Variants in PRIM2 observed in about 807,000 individuals in gnomAD.
PRIM2 encodes the protein DNA primase subunit 2, also known as DNA primase large subunit.
In PRIM2, 39 loss-of-function variants were observed where a neutral mutation model predicts 67.3. The ratio of observed to expected loss-of-function variants is 0.58; its 90% CI spans 0.45 to 0.76. PRIM2 has a LOEUF of 0.76. Among genes scored for constraint, PRIM2 ranks in the 30% least tolerant of loss-of-function variants. The pLI, the probability that PRIM2 is intolerant of heterozygous loss-of-function variation, is 0.00. For missense variants in PRIM2, 398 were observed against 598.7 expected (o/e 0.66, Z 3.50); for synonymous variants, 143 against 198.7 (o/e 0.72, Z 2.36).
chr6:57,620,012 C>T (rs1313599644), intron 12 of PRIM2, among the ~76,000 whole-genome samples: 7 of 152,034 alleles, frequency 4.6e-5, no homozygotes, highest in Non-Finnish European at 8.8e-5. Flanking sequence ...CTGGCTAACA[C>T]AGTGAAACCC....
At chr6:57,514,390 A>G (rs1774436739) in intron 8 of PRIM2, among the ~76,000 whole-genome samples, 1 of 152,050 alleles carries the variant, frequency 6.6e-6, no homozygotes, top group Non-Finnish European at 1.5e-5. Context: ...AACGCCAGAA[A>G]ATGGTTTAGT....
chr6:57,581,087 T>C (rs1328167140), intron 10 of PRIM2, among the ~76,000 whole-genome samples: 3 of 152,168 alleles, frequency 2.0e-5, no homozygotes, highest in Admixed American at 6.5e-5. Context: ...ATCATAATTC[T>C]TGTTTCTGTG....
chr6:57,266,783 T>G, the PRIM2 span, among the ~76,000 whole-genome samples: 2 of 152,208 alleles, frequency 1.3e-5, no homozygotes, highest in East Asian at 1.9e-4. Context: ...TCTCTTTAAT[T>G]TTTGATCAGT....
At chr6:57,274,402 T>C in the PRIM2 span, among the ~76,000 whole-genome samples, 1 of 152,194 alleles carries the variant, frequency 6.6e-6, no homozygotes, top group Non-Finnish European at 1.5e-5. Context: ...TGAGCAAGAC[T>C]CCGTGGGCAT....
intron 7 of PRIM2, among the ~76,000 whole-genome samples, chr6:57,475,869 C>T (rs1183652879): frequency 1.3e-5 from 2 of 152,148 alleles, no homozygotes; most frequent in Non-Finnish European, 2.9e-5. Context: ...AACTTAGGAT[C>T]CTCTAGGGAT....
At chr6:57,256,808 C>G in the PRIM2 span, among the ~76,000 whole-genome samples, 1 of 152,024 alleles carries the variant, frequency 6.6e-6, no homozygotes, top group Admixed American at 6.6e-5. Context: ...GCCTTATTTT[C>G]AAGGCTTATG....
In PRIM2 at chr6:57,455,643, A is replaced by T. The variant is rs555268161; in HGVS notation, c.694-51744A>T. Among the ~76,000 whole-genome samples, 18 of 152,142 alleles carry T rather than the reference A, an allele frequency of 1.2e-4. 1 individual carries two copies. The highest frequency in any genetic ancestry group is 1.8e-4 in the Non-Finnish European group (12 of 68,022). On this transcript the variant is annotated intron_variant, in intron 7 of 13. Transcript: ENST00000615550. ...TTTTTGTTTTCCATTTGCTTGGTAG[A>T]TCTTCCTCCATCCCTTTATTTTGAG...
At position 57,437,662 on chromosome 6, in the gene PRIM2, C is replaced by CTT. The variant is rs11315818; in HGVS notation, c.693+55514_693+55515dup. On this transcript the variant is annotated intron_variant, in intron 7 of 13. Transcript: ENST00000615550. Reference sequence around the variant, plus strand: ...TAACAAAGATCCTTGGGAAGGATTCCTTTTTTTTTTTTTTTTTTTTTAAGA... The same window carrying CTT: ...TAACAAAGATCCTTGGGAAGGATTCCTTTTTTTTTTTTTTTTTTTTTTTAAGA... 1.1e-3 allele frequency among the ~76,000 whole-genome samples: 145 copies of CTT among 128,332 alleles called. 1 individual carries two copies. The highest frequency in any genetic ancestry group is 1.6e-3 in the African/African-American group (54 of 34,244). 84.2% of individuals were successfully genotyped at this position (128,332 alleles called of 152,430 possible). A position where few individuals can be genotyped will look rare whatever the true frequency, so the allele number is the denominator to read the frequency against.
chr6:57,259,733 G>C, the PRIM2 span, among the ~76,000 whole-genome samples: 3 of 152,282 alleles, frequency 2.0e-5, no homozygotes, highest in South Asian at 6.2e-4. Context: ...ATTGCTTGCT[G>C]ATGATGGCTC....
At chr6:57,331,657 T>C (rs1179776701) in intron 5 of PRIM2, among the ~76,000 whole-genome samples, 4 of 152,142 alleles carry the variant, frequency 2.6e-5, no homozygotes, top group Non-Finnish European at 5.9e-5. Context: ...TTATTCACTT[T>C]ATCTAAGTTA....
chr6:57,401,601 T>C (rs1770710349), intron 7 of PRIM2, among the ~76,000 whole-genome samples: 1 of 152,026 alleles, frequency 6.6e-6, no homozygotes, highest in Admixed American at 6.5e-5. Flanking sequence ...CAGTTCTGGA[T>C]GTGCTCAGTG....
intron 7 of PRIM2, among the ~76,000 whole-genome samples, chr6:57,503,859 C>A (rs1774197670): frequency 6.6e-6 from 1 of 152,144 alleles, no homozygotes; most frequent in African/African-American, 2.4e-5. Context: ...GCATCAGTTA[C>A]CCTTTACCAA....
At chr6:57,418,383 GTTTTT>G (rs34491627) in intron 7 of PRIM2, among the ~76,000 whole-genome samples, 892 of 47,230 alleles carry the variant, frequency 0.019, 101 homozygotes, top group South Asian at 0.043. Context: ...TATGTGTGTG[GTTTTT>G]TTTTTTTTTT....
chr6:57,340,652 A>G (rs1030619630), intron 5 of PRIM2, among the ~76,000 whole-genome samples: 2 of 152,162 alleles, frequency 1.3e-5, no homozygotes, highest in African/African-American at 2.4e-5. Context: ...TGGGAATTGA[A>G]CAATGAGAAC....
intron 10 of PRIM2, among the ~76,000 whole-genome samples, chr6:57,556,677 C>T (rs1775519865): frequency 1.3e-5 from 2 of 152,142 alleles, no homozygotes; most frequent in Non-Finnish European, 2.9e-5. Context: ...CAAAACACTA[C>T]AAACCCTAGA....
intron 12 of PRIM2, among the ~76,000 whole-genome samples, chr6:57,614,446 T>C (rs1352765679): frequency 6.6e-6 from 1 of 152,118 alleles, no homozygotes; most frequent in African/African-American, 2.4e-5. Flanking sequence ...TTAAGACTAT[T>C]GGAAAATTAT....
the PRIM2 span, among the ~76,000 whole-genome samples, chr6:57,256,674 G>GGC: frequency 7.5e-6 from 1 of 134,028 alleles, no homozygotes; most frequent in Non-Finnish European, 1.6e-5. Context: ...ATGCCATGCA[G>GGC]GCACACACAC....
chr6:57,570,147 G>C (rs1775834855), intron 10 of PRIM2, among the ~76,000 whole-genome samples: 1 of 152,198 alleles, frequency 6.6e-6, no homozygotes, highest in African/African-American at 2.4e-5. Flanking sequence ...ACTCATGGCA[G>C]CTGCTGAGCC....
intron 5 of PRIM2, among the ~76,000 whole-genome samples, chr6:57,375,509 G>T (rs1769731595): frequency 6.6e-6 from 1 of 152,106 alleles, no homozygotes; most frequent in African/African-American, 2.4e-5. Context: ...GTTCATCAAG[G>T]ATATTGGCCT....
Sources: allele counts gnomAD v4.1 joint callset (sites outside exome capture counted in the v4.1 genomes callset), GRCh38; gene constraint gnomAD v4.1.1; transcripts MANE v1.5; gene names NCBI Gene and HGNC (gene_info 2026-07-23, HGNC 2026-07-21).